Variants in RBFOX1 observed in about 807,000 individuals in gnomAD.
The protein encoded by RBFOX1 is RNA binding protein fox-1 homolog 1.
In RBFOX1, 8 loss-of-function variants were observed where a neutral mutation model predicts 57.7. That is an observed-to-expected ratio of 0.14 (90% CI 0.08 to 0.25). RBFOX1 has a LOEUF of 0.25. Ranked by LOEUF, RBFOX1 falls within the 10% of genes least tolerant of loss-of-function variation. RBFOX1 has a pLI of 1.00. For missense variants in RBFOX1, 611 were observed against 548.5 expected (o/e 1.11, Z -1.14); for synonymous variants, 326 against 222.4 (o/e 1.47, Z -4.15).
At chr16:5,994,174 G>A (rs566949652) in intron 4 of RBFOX1, among the ~76,000 whole-genome samples, 3 of 152,186 alleles carry the variant, frequency 2.0e-5, no homozygotes, top group South Asian at 2.1e-4. Flanking sequence ...TTTTGTTTAT[G>A]TTTTTGAGAC....
intron 1 of RBFOX1, among the ~76,000 whole-genome samples, chr16:6,089,338 G>A (rs2096137152): frequency 6.6e-6 from 1 of 152,068 alleles, no homozygotes; most frequent in Non-Finnish European, 1.5e-5. Flanking sequence ...GGAGACATCA[G>A]TTCTGGTCAG....
chr16:6,931,452 G>C (rs895994735), intron 3 of RBFOX1, among the ~76,000 whole-genome samples: 1 of 152,050 alleles, frequency 6.6e-6, no homozygotes, highest in Admixed American at 6.6e-5. Flanking sequence ...CCTTGGACCA[G>C]CATCTCTGCA....
intron 4 of RBFOX1, among the ~76,000 whole-genome samples, chr16:7,131,872 A>G (rs1420355957): frequency 6.6e-6 from 1 of 152,076 alleles, no homozygotes; most frequent in Non-Finnish European, 1.5e-5. Flanking sequence ...AGAGGGGCAC[A>G]TCTTAGCTTC....
At chr16:7,029,182 G>GTGTATATATGTA (rs2042064097) in intron 3 of RBFOX1, among the ~76,000 whole-genome samples, 1 of 45,532 alleles carries the variant, frequency 2.2e-5, no homozygotes, top group Non-Finnish European at 5.9e-5. Context: ...ACGTATACGT[G>GTGTATATATGTA]TATATATACA....
chr16:7,479,839 A>T (rs1347760952), intron 4 of RBFOX1, among the ~76,000 whole-genome samples: 3 of 152,204 alleles, frequency 2.0e-5, no homozygotes, highest in African/African-American at 7.2e-5. Flanking sequence ...TCCCCAGAAC[A>T]TCCCTCAATA....
intron 3 of RBFOX1, among the ~76,000 whole-genome samples, chr16:6,998,262 A>G (rs779857374): frequency 8.5e-5 from 13 of 152,174 alleles, no homozygotes; most frequent in African/African-American, 1.4e-4. Flanking sequence ...CCTAAAGCCT[A>G]TGGGGTTCTA....
chr16:6,954,009 A>G (rs2081280785), intron 3 of RBFOX1, among the ~76,000 whole-genome samples: 1 of 152,198 alleles, frequency 6.6e-6, no homozygotes, highest in African/African-American at 2.4e-5. Context: ...ACATGTCAAG[A>G]CAAGGTATTG....
intron 2 of RBFOX1, among the ~76,000 whole-genome samples, chr16:6,637,543 A>ATAG (rs375543813): frequency 2.4e-4 from 3 of 12,564 alleles, no homozygotes; most frequent in East Asian, 5.5e-3. Flanking sequence ...AGTATATACA[A>ATAG]TCTGCATAGT....
intron 1 of RBFOX1, among the ~76,000 whole-genome samples, chr16:5,423,739 A>T (rs1346514385): frequency 6.6e-6 from 1 of 152,088 alleles, no homozygotes; most frequent in Non-Finnish European, 1.5e-5. Flanking sequence ...TGGCTCATAG[A>T]ATCATCTTGT....
chr16:6,715,150 A>G (rs1403720869), intron 3 of RBFOX1, among the ~76,000 whole-genome samples: 1 of 152,204 alleles, frequency 6.6e-6, no homozygotes, highest in Non-Finnish European at 1.5e-5. Context: ...AGTGTTTCCA[A>G]ATAAAGACTT....
At chr16:7,242,576 C>G (rs894445921) in intron 4 of RBFOX1, among the ~76,000 whole-genome samples, 2 of 152,226 alleles carry the variant, frequency 1.3e-5, no homozygotes, top group Non-Finnish European at 2.9e-5. Flanking sequence ...GGGGAGGTCT[C>G]TTCGCCATTG....
chr16:5,865,737 A>G (rs1364514963), intron 3 of RBFOX1, among the ~76,000 whole-genome samples: 1 of 152,172 alleles, frequency 6.6e-6, no homozygotes, highest in Non-Finnish European at 1.5e-5. Flanking sequence ...GTAAAACACC[A>G]TGGACTGCAG....
intron 3 of RBFOX1, among the ~76,000 whole-genome samples, chr16:6,674,287 G>T (rs778597430): frequency 6.6e-6 from 1 of 152,012 alleles, no homozygotes; most frequent in African/African-American, 2.4e-5. Flanking sequence ...TGGAGCAGTC[G>T]TAAAACCAAT....
intron 1 of RBFOX1, among the ~76,000 whole-genome samples, chr16:5,277,215 C>A (rs1231074936): frequency 6.6e-6 from 1 of 151,960 alleles, no homozygotes; most frequent in East Asian, 1.9e-4. Flanking sequence ...AATGGAAAAA[C>A]AAACATTGCA....
chr16:6,040,839 G>A (rs923207567), intron 1 of RBFOX1, among the ~76,000 whole-genome samples: 12 of 152,092 alleles, frequency 7.9e-5, no homozygotes, highest in South Asian at 6.2e-4. Context: ...ATTGATCTGC[G>A]TGCCTTGGCC....
chr16:7,264,854 A>AGG (rs1288866577), intron 4 of RBFOX1, among the ~76,000 whole-genome samples: 4 of 152,256 alleles, frequency 2.6e-5, no homozygotes, highest in Non-Finnish European at 5.9e-5. Context: ...GAGAAAGCAT[A>AGG]GAAAAAAATT....
intron 3 of RBFOX1, among the ~76,000 whole-genome samples, chr16:5,694,730 C>G (rs542569647): frequency 6.6e-6 from 1 of 151,706 alleles, no homozygotes; most frequent in African/African-American, 2.4e-5. Context: ...CTCACAGCCC[C>G]CAACCCCACT....
chr16:5,443,498 C>G (rs1468569110), intron 1 of RBFOX1, among the ~76,000 whole-genome samples: 1 of 152,116 alleles, frequency 6.6e-6, no homozygotes, highest in African/African-American at 2.4e-5. Context: ...CCACCACGCC[C>G]AGCTAATATT....
At chr16:7,695,950 C>T (rs879507966) in intron 14 of RBFOX1, among the ~76,000 whole-genome samples, 3 of 152,134 alleles carry the variant, frequency 2.0e-5, no homozygotes, top group Non-Finnish European at 2.9e-5. Context: ...CATAGGCAGC[C>T]ATCAGGGGCT....
Sources: allele counts gnomAD v4.1 joint callset (sites outside exome capture counted in the v4.1 genomes callset), GRCh38; gene constraint gnomAD v4.1.1; transcripts MANE v1.5; gene names NCBI Gene and HGNC (gene_info 2026-07-23, HGNC 2026-07-21).